Variants in DOCK5 observed in about 807,000 individuals in gnomAD.
DOCK5 encodes dedicator of cytokinesis 5.
In DOCK5, 142 loss-of-function variants were observed where a neutral mutation model predicts 251.8. The observed-to-expected ratio is 0.56, with a 90% confidence interval of 0.49 to 0.65. DOCK5 has a LOEUF of 0.65. Among genes scored for constraint, DOCK5 ranks in the 30% least tolerant of loss-of-function variants. The pLI is 0.00. For missense variants in DOCK5, 2,111 were observed against 2,312.3 expected (o/e 0.91, Z 1.79); for synonymous variants, 842 against 835.5 (o/e 1.01, Z -0.13).
Position 25,380,323 on chromosome 8 carries a change from A to C in DOCK5, c.3955A>C (p.Lys1319Gln), listed in dbSNP as rs1801042702. The change falls in exon 39 of 52, where the codon AAG becomes CAG. Residue 1319 changes from lysine to glutamine, a missense_variant. Lys to Gln is a moderately conservative substitution (Grantham distance 53). Transcript: ENST00000276440. ...TCTGAAGATGTGGGAGAAGGCCATCAAGCTGAGCAAAGAGTTGGCTGAGAC... is the reference window on the plus strand; with the variant it reads ...TCTGAAGATGTGGGAGAAGGCCATCCAGCTGAGCAAAGAGTTGGCTGAGAC... ...DKGKMWEKAI[K>Q]LSKELAETYE... 7 of 1,611,534 alleles carry C rather than the reference A, an allele frequency of 4.3e-6. No individual in the cohort carries two copies. The South Asian group carries it at 7.7e-5, about 18-fold the overall frequency.
intron 13 of DOCK5, among the ~76,000 whole-genome samples, chr8:25,316,559 A>C (rs1229812451): frequency 6.6e-6 from 1 of 152,310 alleles, no homozygotes; most frequent in South Asian, 2.1e-4. Flanking sequence ...TTAACAAGTT[A>C]GTCTATAATC....
rs1801676839 is a variant in DOCK5 at position 25,414,365 on chromosome 8, A to G, written c.*3067A>G. The G allele has an allele frequency of 6.6e-6, 1 of 152,228 alleles. No individual in the cohort carries two copies. The highest frequency in any genetic ancestry group is 1.5e-5 in the Non-Finnish European group (1 of 68,068). 9.4% of individuals were successfully genotyped at this position (152,228 alleles called of 1,614,324 possible). On this transcript the variant is annotated 3_prime_UTR_variant, in exon 52 of 52. Transcript: ENST00000276440. ...AAACCCTAAAGAAGACTGCTGGGCC[A>G]TGAGTTGCTTCCTCCTCCTCCACCT...
intron 1 of DOCK5, among the ~76,000 whole-genome samples, chr8:25,227,007 T>C (rs2117511248): frequency 6.6e-6 from 1 of 152,380 alleles, no homozygotes; most frequent in East Asian, 1.9e-4. Context: ...TTATTTCACG[T>C]TTCCTTTTTC....
intron 29 of DOCK5, 139 bp from the exon 30 acceptor site, chr8:25,364,487 T>G: frequency 1.6e-6 from 1 of 620,710 alleles, no homozygotes; most frequent in South Asian, 2.0e-5. Flanking sequence ...GTTATGCTGT[T>G]GTCTGCAAGG....
intron 2 of DOCK5, among the ~76,000 whole-genome samples, chr8:25,247,624 T>TG (rs60540236): frequency 0.086 from 13,023 of 152,012 alleles, 1,482 homozygotes; most frequent in African/African-American, 0.26. Flanking sequence ...ATTTTAAGTG[T>TG]CTCACTATAC....
chr8:25,197,682 C>G (rs958770839), intron 1 of DOCK5, among the ~76,000 whole-genome samples: 1 of 137,030 alleles, frequency 7.3e-6, no homozygotes, highest in Admixed American at 8.2e-5. Flanking sequence ...CTCCTGGGTT[C>G]AAGAGATTCT....
chr8:25,334,748 A>G (rs755220013), intron 21 of DOCK5, among the ~76,000 whole-genome samples: 48 of 152,036 alleles, frequency 3.2e-4, no homozygotes, highest in Non-Finnish European at 5.4e-4. Context: ...ATCAATAACA[A>G]ATGACTCAAC....
At chr8:25,356,278 A>AT (rs1800567769) in intron 27 of DOCK5, among the ~76,000 whole-genome samples, 1 of 152,250 alleles carries the variant, frequency 6.6e-6, no homozygotes, top group Non-Finnish European at 1.5e-5. Flanking sequence ...CAGAACCATG[A>AT]TAAGTGAAAA....
chr8:25,220,561 T>C (rs1373802139), intron 1 of DOCK5, among the ~76,000 whole-genome samples: 1 of 152,008 alleles, frequency 6.6e-6, no homozygotes, highest in Non-Finnish European at 1.5e-5. Flanking sequence ...TACCCCCAGC[T>C]CTCCACAGGT....
chr8:25,327,105 G>A (rs1805582479), intron 18 of DOCK5, among the ~76,000 whole-genome samples: 1 of 152,082 alleles, frequency 6.6e-6, no homozygotes, highest in African/African-American at 2.4e-5. Flanking sequence ...TCAAATGGGA[G>A]CAATAATAGT....
chr8:25,201,273 CAA>C (rs1801873689), intron 1 of DOCK5, among the ~76,000 whole-genome samples: 1 of 152,064 alleles, frequency 6.6e-6, no homozygotes. Context: ...TGTTTGAAGA[CAA>C]TAAAGTATGA....
At chr8:25,341,074 G>A in intron 23 of DOCK5, 86 bp downstream of exon 23, 1 of 885,464 alleles carries the variant, frequency 1.1e-6, no homozygotes, top group Non-Finnish European at 1.8e-6. Context: ...TCATGAGGGA[G>A]AAACAAAGTG....
chr8:25,408,351 A>C (rs576295836), intron 49 of DOCK5, among the ~76,000 whole-genome samples, 197 bp downstream of exon 49: 1 of 152,236 alleles, frequency 6.6e-6, no homozygotes, highest in Admixed American at 6.5e-5. Flanking sequence ...TCTATAAATC[A>C]ACATTGGTGA....
At chr8:25,198,655 A>G (rs944253140) in intron 1 of DOCK5, among the ~76,000 whole-genome samples, 1 of 152,184 alleles carries the variant, frequency 6.6e-6, no homozygotes, top group Admixed American at 6.5e-5. Context: ...GAATCAGAAG[A>G]TATTAAGAGC....
At chr8:25,236,106 G>T (rs1161762781) in intron 1 of DOCK5, among the ~76,000 whole-genome samples, 1 of 152,008 alleles carries the variant, frequency 6.6e-6, no homozygotes, top group East Asian at 1.9e-4. Flanking sequence ...CCAAGATAGA[G>T]ATTTCTAAAT....
intron 42 of DOCK5, among the ~76,000 whole-genome samples, chr8:25,390,672 A>T (rs7835202): frequency 6.6e-6 from 1 of 151,982 alleles, no homozygotes; most frequent in Non-Finnish European, 1.5e-5. Context: ...ACCCAAAAGC[A>T]TCGCAGAGGA....
chr8:25,241,249 G>C (rs1441096352), intron 1 of DOCK5, among the ~76,000 whole-genome samples: 1 of 152,148 alleles, frequency 6.6e-6, no homozygotes, highest in Admixed American at 6.5e-5. Flanking sequence ...GGCTGAGGCG[G>C]GTGGATCACG....
intron 5 of DOCK5, among the ~76,000 whole-genome samples, chr8:25,283,526 A>G (rs996664628): frequency 2.8e-4 from 43 of 152,306 alleles, no homozygotes; most frequent in African/African-American, 1.0e-3. Flanking sequence ...CTGACAGACC[A>G]CAAGGACTCC....
At chr8:25,300,066 C>T (rs1804722612) in intron 8 of DOCK5, among the ~76,000 whole-genome samples, 1 of 152,104 alleles carries the variant, frequency 6.6e-6, no homozygotes, top group Non-Finnish European at 1.5e-5. Flanking sequence ...CCACCATGCC[C>T]AACCAATTTT....
Sources: gnomAD v4.1 joint callset for allele counts (sites outside exome capture counted in the v4.1 genomes callset) on GRCh38, gnomAD v4.1.1 for gene constraint, MANE v1.5 for transcripts, NCBI Gene and HGNC (gene_info 2026-07-23, HGNC 2026-07-21) for gene names.